The following ADAMTS9 variants were observed in gnomAD, a reference collection of about 807,000 sequenced individuals.
ADAMTS9 encodes the protein A disintegrin and metalloproteinase with thrombospondin motifs 9.
In ADAMTS9, 107 loss-of-function variants were observed where a neutral mutation model predicts 257.1. The observed-to-expected ratio is 0.42, with a 90% confidence interval of 0.36 to 0.49. ADAMTS9 has a LOEUF of 0.49. Ranked by LOEUF, ADAMTS9 falls within the 20% of genes least tolerant of loss-of-function variation. The probability of loss-of-function intolerance (pLI) is 0.03; values close to 1 mark genes in which losing one functional copy is unlikely to be tolerated. For missense variants in ADAMTS9, 2,353 were observed against 2,469.1 expected (o/e 0.95, Z 1.00); for synonymous variants, 982 against 880.9 (o/e 1.11, Z -2.03).
chr3:64,549,230 G>T (rs777372040), intron 31 of ADAMTS9, among the ~76,000 whole-genome samples: 3 of 152,150 alleles, frequency 2.0e-5, no homozygotes, highest in Admixed American at 1.3e-4. Context: ...TGATACACCT[G>T]CAAATTTACA....
Position 64,680,829 on chromosome 3 carries a change from C to CA in ADAMTS9, c.679+371dup, listed in dbSNP as rs541902754. 1.7e-3 allele frequency among the ~76,000 whole-genome samples: 251 copies of CA among 149,926 alleles called. 4 individuals carry two copies. In the South Asian group the frequency reaches 0.033, roughly 19 times the overall value. ...AAACACCCAAATGAACAGAAGATGC[C>CA]AAAAAAAAATACATGCATTTGGTGA... On this transcript the variant is annotated intron_variant, in intron 3 of 39. Transcript: ENST00000498707.
rs144037081 is a variant in ADAMTS9, at chr3:64,520,749, G to A, written c.*5+1417C>T. Among the ~76,000 whole-genome samples the A allele has an allele frequency of 2.7e-4, 41 of 152,210 alleles. No individual in the cohort carries two copies. In the East Asian group the frequency reaches 7.7e-3, roughly 29 times the overall value. Reference sequence around the variant, plus strand: ...TGGAAAAACTGGCTAACCATATACAGAAGAATGAAATTGAACTCTTACCTC... The same window carrying A: ...TGGAAAAACTGGCTAACCATATACAAAAGAATGAAATTGAACTCTTACCTC... On this transcript the variant is annotated intron_variant, in intron 39 of 39. Coordinates refer to ENST00000498707, the MANE Select transcript of ADAMTS9 (RefSeq NM_182920.2).
At chr3:64,593,902 G>A (rs778243925) in intron 28 of ADAMTS9, among the ~76,000 whole-genome samples, 1 of 151,384 alleles carries the variant, frequency 6.6e-6, no homozygotes, top group Non-Finnish European at 1.5e-5. Flanking sequence ...GCTTAGAAAA[G>A]GAAAGAATGT....
At chr3:64,618,042 T>C (rs756581723) in intron 19 of ADAMTS9, among the ~76,000 whole-genome samples, 4 of 152,174 alleles carry the variant, frequency 2.6e-5, no homozygotes, top group Non-Finnish European at 5.9e-5. Context: ...TATTTTTCAG[T>C]GAACGATTTT....
chr3:64,541,259 A>G lies in ADAMTS9; in HGVS notation c.5388-31T>C, dbSNP rs774911726. ...TTATACAGAGAATGTTCTGGTAAGG[A>G]TGGGAAAGCATTTCCAGGGATCTCC... On this transcript the variant is annotated intron_variant, in intron 35 of 39. Coordinates refer to ENST00000498707, the MANE Select transcript of ADAMTS9 (RefSeq NM_182920.2). 4.3e-6 allele frequency: 7 copies of G among 1,614,002 alleles called. 1 individual carries two copies. Among genetic ancestry groups the G allele is most frequent in the Non-Finnish European group, 5.9e-6 (7 of 1,179,972 alleles).
rs572452640 is a variant in ADAMTS9, at chr3:64,613,523, C to T, written c.3190-14G>A. 7.5e-5 allele frequency: 120 copies of T among 1,609,334 alleles called. No individual in the cohort carries two copies. In the South Asian group the frequency reaches 9.5e-4, roughly 13 times the overall value. ...GGTGACCAAGCACTGTAATGAAAAG[C>T]GGAGCTAGTCAGGGTCATTTCTGAT... is the stretch of plus-strand genomic sequence containing the variant. On this transcript the variant is annotated splice_polypyrimidine_tract_variant and intron_variant, in intron 21 of 39. Transcript: ENST00000498707.
At chr3:64,603,796 A>T in intron 25 of ADAMTS9, 126 bp downstream of exon 25, 1 of 1,129,504 alleles carries the variant, frequency 8.9e-7, no homozygotes, top group Non-Finnish European at 1.3e-6. Flanking sequence ...AATTTAAATC[A>T]TAAGACAAAT....
intron 28 of ADAMTS9, among the ~76,000 whole-genome samples, chr3:64,570,348 T>C (rs1455077035): frequency 6.6e-6 from 1 of 152,110 alleles, no homozygotes; most frequent in Non-Finnish European, 1.5e-5. Flanking sequence ...CAGGCTGGAA[T>C]GGTTGGAAGA....
At chr3:64,603,801 A>T in intron 25 of ADAMTS9, 121 bp downstream of exon 25, 4 of 1,161,972 alleles carry the variant, frequency 3.4e-6, no homozygotes, top group South Asian at 3.0e-5. Flanking sequence ...AAATCATAAG[A>T]CAAATCCAGC....
At position 64,687,308 on chromosome 3, in the gene ADAMTS9, T is replaced by A. The variant is rs1031119170; in HGVS notation, c.115+235A>T. ...TTAGTTTGCGGCGTGGGAGTGGGGA[T>A]GGGGATATATCTGGCAACAGCAAGG... is the stretch of plus-strand genomic sequence containing the variant. On this transcript the variant is annotated intron_variant, in intron 1 of 39. Coordinates refer to ENST00000498707, the MANE Select transcript of ADAMTS9 (RefSeq NM_182920.2). This position sits in a 1 kb window ranked among gnomAD's most constrained non-coding sequence, Gnocchi z 4.4. Among the ~76,000 whole-genome samples the A allele has an allele frequency of 6.6e-6, 1 of 152,052 alleles. No individual in the cohort carries two copies. Among genetic ancestry groups the A allele is most frequent in the African/African-American group, 2.4e-5 (1 of 41,382 alleles).
chr3:64,621,302 C>A, intron 18 of ADAMTS9, 62 bp from the exon 19 acceptor site: 6 of 1,527,640 alleles, frequency 3.9e-6, no homozygotes, highest in Non-Finnish European at 4.4e-6. Flanking sequence ...ACTATTTAGA[C>A]CCCGGATTGG....
In ADAMTS9 at chr3:64,675,171, G is replaced by C. The variant is rs1701595967; in HGVS notation, c.679+6030C>G. ...ATGTTGATGAGCTTTATAACCTCAG[G>C]CAAGTCAACATTACAGACTTCTCTG... On this transcript the variant is annotated intron_variant, in intron 3 of 39. Transcript: ENST00000498707. Among the ~76,000 whole-genome samples, 3 of 152,116 alleles carry C rather than the reference G, an allele frequency of 2.0e-5. No individual in the cohort carries two copies. The South Asian group carries it at 6.2e-4, about 32-fold the overall frequency.
intron 31 of ADAMTS9, among the ~76,000 whole-genome samples, chr3:64,547,860 T>C (rs1342061328): frequency 6.6e-6 from 1 of 152,256 alleles, no homozygotes; most frequent in East Asian, 1.9e-4. Context: ...TAGCTAAGTT[T>C]TTTTTTTTAT....
chr3:64,671,510 T>G (rs1306717392), intron 3 of ADAMTS9, among the ~76,000 whole-genome samples: 1 of 152,072 alleles, frequency 6.6e-6, no homozygotes, highest in Non-Finnish European at 1.5e-5. Flanking sequence ...AATAAAAAGA[T>G]TTTTCAAAAA....
rs759148461 is a variant in ADAMTS9, at chr3:64,574,422, T to G, written c.4357-5887A>C. Among the ~76,000 whole-genome samples, 106 of 151,908 alleles carry G rather than the reference T, an allele frequency of 7.0e-4. 1 individual carries two copies. The highest frequency in any genetic ancestry group is 1.2e-3 in the Non-Finnish European group (82 of 67,930). Reference sequence around the variant, plus strand: ...TCATAGCACCAGGAAGCAGGAGAGTTAGGCTTTACATACAGCATGGCTGGT... The same window carrying G: ...TCATAGCACCAGGAAGCAGGAGAGTGAGGCTTTACATACAGCATGGCTGGT... On this transcript the variant is annotated intron_variant, in intron 28 of 39. Coordinates refer to ENST00000498707, the MANE Select transcript of ADAMTS9 (RefSeq NM_182920.2).
At chr3:64,565,742 G>A (rs548590020) in intron 29 of ADAMTS9, 24 of 152,234 alleles carry the variant, frequency 1.6e-4, no homozygotes, top group Middle Eastern at 3.4e-3. Context: ...AATTTTTGTC[G>A]TAAAAGTTCA....
chr3:64,646,068 T>A (rs1300762923), intron 11 of ADAMTS9, among the ~76,000 whole-genome samples: 3 of 152,246 alleles, frequency 2.0e-5, no homozygotes, highest in Non-Finnish European at 4.4e-5. Context: ...ATTGAAAATT[T>A]TTCGTTGTTG....
intron 28 of ADAMTS9, among the ~76,000 whole-genome samples, chr3:64,590,625 C>G (rs2084242638): frequency 6.6e-6 from 1 of 152,052 alleles, no homozygotes; most frequent in African/African-American, 2.4e-5. Flanking sequence ...ATACTGGTAT[C>G]AAACATTTTC....
At position 64,649,604 on chromosome 3, in the gene ADAMTS9, AG is replaced by A. The variant is rs1223136478; in HGVS notation, c.1605+32del. 30 of 1,576,536 alleles carry A rather than the reference AG, an allele frequency of 1.9e-5. No homozygotes were observed. In the Admixed American group the frequency reaches 5.5e-4, roughly 29 times the overall value. On this transcript the variant is annotated intron_variant, in intron 10 of 39. Coordinates refer to ENST00000498707, the MANE Select transcript of ADAMTS9 (RefSeq NM_182920.2). ...GAATAAAAAGAAGTGCAGAATCAGT[AG>A]ATGAGGGCAGAAGTGGCCCTCCTAC...
Sources: allele counts gnomAD v4.1 joint callset (sites outside exome capture counted in the v4.1 genomes callset), GRCh38; gene constraint gnomAD v4.1.1; non-coding constraint Gnocchi (gnomAD v3.1); transcripts MANE v1.5; gene names NCBI Gene and HGNC (gene_info 2026-07-23, HGNC 2026-07-21).